The following DDX19B variants were observed in gnomAD, a reference collection of about 807,000 sequenced individuals.
DDX19B encodes the protein ATP-dependent RNA helicase DDX19B.
A neutral mutation model predicts 58.1 loss-of-function variants in DDX19B; 27 were observed. The ratio of observed to expected loss-of-function variants is 0.46; its 90% CI spans 0.34 to 0.64. The LOEUF (loss-of-function observed/expected upper bound fraction) is 0.64. DDX19B is among the 30% of genes least tolerant of loss of function. The pLI is 0.01. For synonymous variants in DDX19B, 187 were observed against 214.4 expected, an observed-to-expected ratio of 0.87 and a Z score of 1.12; for missense variants, 399 against 596.5, an observed-to-expected ratio of 0.67 and a Z score of 3.45.
chr16:70,327,209 G>A (rs996539027), intron 7 of DDX19B, among the ~76,000 whole-genome samples: 14 of 151,816 alleles, frequency 9.2e-5, no homozygotes, highest in African/African-American at 2.7e-4. Context: ...ACGAGCCACC[G>A]TGCCTGGCCA....
chr16:70,310,812 C>G (rs1006787108), intron 1 of DDX19B, among the ~76,000 whole-genome samples: 69 of 151,956 alleles, frequency 4.5e-4, no homozygotes, highest in Non-Finnish European at 7.9e-4. Flanking sequence ...AGGGAGATCA[C>G]GAGGTCAGGA....
chr16:70,290,001 T>C, upstream of DDX19B: 1 of 322,010 alleles, frequency 3.1e-6, no homozygotes, highest in Non-Finnish European at 6.3e-6. Flanking sequence ...ATAACATCAG[T>C]AGTTCAGGTA....
chr16:70,317,198 ACT>A (rs1299302057), intron 4 of DDX19B: 3 of 159,690 alleles, frequency 1.9e-5, no homozygotes, highest in South Asian at 2.5e-4. Flanking sequence ...ACAGAGCGAG[ACT>A]CTGTCTCAAA....
chr16:70,325,123 A>G (rs964457109), intron 6 of DDX19B, among the ~76,000 whole-genome samples: 19 of 152,206 alleles, frequency 1.2e-4, no homozygotes, highest in Non-Finnish European at 2.6e-4. Flanking sequence ...TTGAGCACAA[A>G]TAATACGGGA....
intron 5 of DDX19B, among the ~76,000 whole-genome samples, chr16:70,322,357 G>A (rs1962881271): frequency 6.6e-6 from 1 of 152,068 alleles, no homozygotes; most frequent in African/African-American, 2.4e-5. Context: ...CTGGAATGCT[G>A]AAGTGGGCGG....
intron 1 of DDX19B, among the ~76,000 whole-genome samples, chr16:70,301,255 G>A (rs564245918): frequency 3.8e-4 from 58 of 152,230 alleles, no homozygotes; most frequent in African/African-American, 1.3e-3. Flanking sequence ...ATTACTTTAA[G>A]AATATTCCAT....
chr16:70,315,386 C>CAA (rs750665674), intron 3 of DDX19B, among the ~76,000 whole-genome samples: 15 of 54,476 alleles, frequency 2.8e-4, no homozygotes, highest in African/African-American at 5.1e-4. Flanking sequence ...GACTCTGTCT[C>CAA]AAAAAAAAAA....
chr16:70,316,706 A>G (rs769011130), intron 4 of DDX19B, among the ~76,000 whole-genome samples: 4 of 152,192 alleles, frequency 2.6e-5, no homozygotes, highest in Non-Finnish European at 5.9e-5. Flanking sequence ...TAAAATTTCC[A>G]GATGATGGAT....
chr16:70,293,802 G>C (rs1961121867), upstream of DDX19B, among the ~76,000 whole-genome samples: 1 of 149,294 alleles, frequency 6.7e-6, no homozygotes, highest in South Asian at 2.1e-4. Flanking sequence ...TAGTAGAGAC[G>C]GGGTTTCACC....
chr16:70,298,333 G>C (rs892487237), upstream of DDX19B, among the ~76,000 whole-genome samples: 3 of 152,020 alleles, frequency 2.0e-5, no homozygotes, highest in East Asian at 3.9e-4. Context: ...TTGAACCCAG[G>C]AGGTGGAGGT....
At chr16:70,320,361 G>A (rs1384099687) in intron 5 of DDX19B, among the ~76,000 whole-genome samples, 1 of 149,028 alleles carries the variant, frequency 6.7e-6, no homozygotes, top group Non-Finnish European at 1.5e-5. Flanking sequence ...TCCCACCTTG[G>A]CCTCCCCCAG....
intron 1 of DDX19B, among the ~76,000 whole-genome samples, chr16:70,306,339 A>G (rs1267855000): frequency 2.0e-5 from 3 of 151,972 alleles, no homozygotes; most frequent in African/African-American, 7.2e-5. Context: ...TTTTGTAGAC[A>G]TAGGGTTTCA....
Position 70,333,674 on chromosome 16 carries a change from G to GACAACGGCAC in DDX19B, c.*94_*103dup. On this transcript the variant is annotated 3_prime_UTR_variant, in exon 12 of 12. Coordinates refer to ENST00000288071, the MANE Select transcript of DDX19B (RefSeq NM_007242.7). ...GCACAGGCCCCGACATCACCCCAAG[G>GACAACGGCAC]ACAACGGCACAAGTAGAGAGAAACT... 12 of 1,588,494 alleles carry GACAACGGCAC rather than the reference G, an allele frequency of 7.6e-6. No individual in the cohort carries two copies. Among genetic ancestry groups the GACAACGGCAC allele is most frequent in the Non-Finnish European group, 9.5e-6 (11 of 1,158,218 alleles).
intron 5 of DDX19B, chr16:70,319,468 C>T (rs1267146432): frequency 6.6e-6 from 1 of 151,972 alleles, no homozygotes; most frequent in African/African-American, 2.4e-5. Flanking sequence ...GGTTTCAGAT[C>T]ACATTCTGAG....
At chr16:70,290,752 T>C (rs1961039605), upstream of DDX19B, among the ~76,000 whole-genome samples, 3 of 152,180 alleles carry the variant, frequency 2.0e-5, no homozygotes, top group Admixed American at 2.0e-4. Context: ...ACATGCTTAT[T>C]TCATTTGATT....
intron 4 of DDX19B, chr16:70,317,207 CA>C (rs562635193): frequency 0.048 from 2,615 of 54,532 alleles, 6 homozygotes; most frequent in South Asian, 0.11. Context: ...GACTCTGTCT[CA>C]AAAAAAAAAA....
chr16:70,298,003 G>C (rs986106940), upstream of DDX19B, among the ~76,000 whole-genome samples: 1 of 152,206 alleles, frequency 6.6e-6, no homozygotes, highest in African/African-American at 2.4e-5. Flanking sequence ...ACACATGTGA[G>C]CTACTGTGCC....
chr16:70,331,992 G>T (rs1963509385), intron 10 of DDX19B, 108 bp downstream of exon 10: 15 of 1,467,004 alleles, frequency 1.0e-5, no homozygotes, highest in Non-Finnish European at 1.4e-5. Context: ...AGGGAGATGG[G>T]TGGGGTTGGT....
chr16:70,316,722 C>G (rs1470741760), intron 4 of DDX19B, among the ~76,000 whole-genome samples: 4 of 152,172 alleles, frequency 2.6e-5, no homozygotes, highest in Non-Finnish European at 1.5e-5. Flanking sequence ...TGGATAAAAG[C>G]TTTAGCTGTA....
Sources: allele counts gnomAD v4.1 joint callset (sites outside exome capture counted in the v4.1 genomes callset), GRCh38; gene constraint gnomAD v4.1.1; transcripts MANE v1.5; gene names NCBI Gene and HGNC (gene_info 2026-07-23, HGNC 2026-07-21).